Variants in ZBTB8A observed in about 807,000 individuals in gnomAD.
ZBTB8A encodes the protein zinc finger and BTB domain containing 8A.
Under a neutral mutation model 37.8 loss-of-function variants are expected in ZBTB8A, and 19 were observed. The ratio of observed to expected loss-of-function variants is 0.50; its 90% CI spans 0.35 to 0.74. The LOEUF (loss-of-function observed/expected upper bound fraction) is 0.74. Among genes scored for constraint, ZBTB8A ranks in the 30% least tolerant of loss-of-function variants. The pLI is 0.01. For missense variants in ZBTB8A, 394 were observed against 537.8 expected (o/e 0.73, Z 2.65); for synonymous variants, 181 against 185.2 (o/e 0.98, Z 0.19).
intron 2 of ZBTB8A, among the ~76,000 whole-genome samples, chr1:32,586,376 G>A (rs572303888): frequency 9.9e-5 from 15 of 152,238 alleles, no homozygotes; most frequent in Non-Finnish European, 2.1e-4. Flanking sequence ...TCATTCAACA[G>A]CATTAATTGA....
intron 2 of ZBTB8A, among the ~76,000 whole-genome samples, chr1:32,554,476 ATT>A (rs1644184329): frequency 1.5e-5 from 2 of 136,496 alleles, no homozygotes; most frequent in African/African-American, 5.4e-5. Flanking sequence ...TTATTTATTT[ATT>A]TATTTATTTA....
At chr1:32,579,372 A>C (rs1021311286) in intron 2 of ZBTB8A, among the ~76,000 whole-genome samples, 27 of 150,894 alleles carry the variant, frequency 1.8e-4, no homozygotes, top group African/African-American at 6.6e-4. Context: ...AATCACTTCA[A>C]CCCGGGAGGC....
intron 2 of ZBTB8A, among the ~76,000 whole-genome samples, chr1:32,591,174 G>A (rs1644485347): frequency 6.6e-6 from 1 of 150,974 alleles, no homozygotes; most frequent in Non-Finnish European, 1.5e-5. Context: ...CTCCCAAAGT[G>A]CTAGGATTAC....
rs749974255 is a variant in ZBTB8A, at chr1:32,593,113, G to A, written c.182G>A (p.Ser61Asn). 3.7e-6 allele frequency: 6 copies of A among 1,614,156 alleles called. No individual in the cohort carries two copies. The highest frequency in any genetic ancestry group is 5.1e-6 in the Non-Finnish European group (6 of 1,180,034). Reference protein sequence around the residue: ...MLLSQNSKETSQPTTATFQAF... With the variant: ...MLLSQNSKETNQPTTATFQAF... The stretch of plus-strand genomic sequence containing the variant: ...CTTTCTCAGAATTCAAAGGAGACGA[G>A]TCAGCCAACCACAGCTACATTTCAG... The change falls in exon 3 of 5, where the codon AGT becomes AAT. Residue 61 changes from serine (S) to asparagine (N), a missense_variant. Physicochemically the swap from Ser to Asn is conservative, Grantham distance 46. Around this residue, in one of 4 missense-constraint regions of ZBTB8A, gnomAD observed 96 missense variants for 165.6 expected, o/e 0.58. Transcript: ENST00000373510.
intron 1 of ZBTB8A, among the ~76,000 whole-genome samples, chr1:32,543,918 C>T (rs188854179): frequency 1.3e-5 from 2 of 152,260 alleles, no homozygotes; most frequent in African/African-American, 4.8e-5. Flanking sequence ...CCTCATGATC[C>T]GCCCGCCTCG....
chr1:32,589,444 G>A (rs1362329066), intron 2 of ZBTB8A, among the ~76,000 whole-genome samples: 1 of 151,928 alleles, frequency 6.6e-6, no homozygotes, highest in African/African-American at 2.4e-5. Flanking sequence ...AGAGATAGGG[G>A]TTCACCATGT....
chr1:32,548,533 C>T (rs1173465224), intron 1 of ZBTB8A, among the ~76,000 whole-genome samples: 2 of 152,152 alleles, frequency 1.3e-5, no homozygotes, highest in African/African-American at 4.8e-5. Flanking sequence ...GGGGTTTTGC[C>T]ATGTTGGCCA....
intron 2 of ZBTB8A, among the ~76,000 whole-genome samples, chr1:32,591,857 G>GTTTT (rs903301674): frequency 6.6e-6 from 1 of 151,884 alleles, no homozygotes; most frequent in Non-Finnish European, 1.5e-5. Flanking sequence ...TTGTTTGTTT[G>GTTTT]TTTTTTCAGA....
In ZBTB8A at chr1:32,568,060, C is replaced by T. The variant is rs112264219; in HGVS notation, c.-2+14520C>T. Among the ~76,000 whole-genome samples the T allele has an allele frequency of 1.3e-3, 202 of 151,356 alleles. 2 individuals are homozygous for T. The highest frequency in any genetic ancestry group is 4.7e-3 in the African/African-American group (195 of 41,332). ...GGGAGGCTGAGGCAGGAGACTTGAT[C>T]GAACCTGGGAGCTGGGAGGCAGAGG... On this transcript the variant is annotated intron_variant, in intron 2 of 4. Coordinates refer to ENST00000373510, the MANE Select transcript of ZBTB8A (RefSeq NM_001040441.3).
chr1:32,573,578 G>A (rs937002533), intron 2 of ZBTB8A, among the ~76,000 whole-genome samples: 1 of 150,310 alleles, frequency 6.7e-6, no homozygotes, highest in African/African-American at 2.4e-5. Flanking sequence ...GACTACAGGC[G>A]TAAGCCACCA....
At chr1:32,543,237 C>T (rs1475930193) in intron 1 of ZBTB8A, among the ~76,000 whole-genome samples, 2 of 152,082 alleles carry the variant, frequency 1.3e-5, no homozygotes, top group Non-Finnish European at 2.9e-5. Flanking sequence ...GCACCTGCCA[C>T]CATGCCCGGC....
chr1:32,585,214 A>G (rs142273576), intron 2 of ZBTB8A, among the ~76,000 whole-genome samples: 2,083 of 149,512 alleles, frequency 0.014, 115 homozygotes, highest in East Asian at 0.1. Flanking sequence ...CAGTCTCCCT[A>G]TGTTGCCCAG....
intron 3 of ZBTB8A, among the ~76,000 whole-genome samples, chr1:32,594,638 G>A (rs563600061): frequency 4.9e-4 from 74 of 152,092 alleles, no homozygotes; most frequent in African/African-American, 1.7e-3. Flanking sequence ...GCGCATGTCT[G>A]TAATCCCAGC....
At chr1:32,569,951 T>A (rs1005089709) in intron 2 of ZBTB8A, among the ~76,000 whole-genome samples, 1 of 152,152 alleles carries the variant, frequency 6.6e-6, no homozygotes, top group Non-Finnish European at 1.5e-5. Context: ...TCTTAAGAAA[T>A]CTTTGTCCAC....
At chr1:32,564,170 G>A (rs1310838689) in intron 2 of ZBTB8A, among the ~76,000 whole-genome samples, 2 of 152,046 alleles carry the variant, frequency 1.3e-5, no homozygotes, top group East Asian at 1.9e-4. Flanking sequence ...TTACCCTAGG[G>A]TCTCAAAGGA....
At chr1:32,567,840 C>CAAAAA (rs1553178107) in intron 2 of ZBTB8A, among the ~76,000 whole-genome samples, 6 of 57,414 alleles carry the variant, frequency 1.0e-4, no homozygotes, top group East Asian at 4.7e-4. Context: ...CAAAACAAAA[C>CAAAAA]AAAAAAAAGA....
intron 1 of ZBTB8A, among the ~76,000 whole-genome samples, chr1:32,546,815 T>C (rs1359938463): frequency 2.0e-5 from 3 of 152,226 alleles, no homozygotes; most frequent in Admixed American, 2.0e-4. Context: ...GGATGCCTTA[T>C]ATCACCTTCA....
chr1:32,584,072 A>G (rs1644427630), intron 2 of ZBTB8A, among the ~76,000 whole-genome samples: 1 of 152,084 alleles, frequency 6.6e-6, no homozygotes, highest in Non-Finnish European at 1.5e-5. Flanking sequence ...AGGAGAGAAT[A>G]CTTTGTAAAG....
Position 32,604,314 on chromosome 1 carries a change from A to T in ZBTB8A, c.*3895A>T, listed in dbSNP as rs981835565. The T allele has an allele frequency of 6.6e-6, 1 of 152,210 alleles. No individual in the cohort carries two copies. The highest frequency in any genetic ancestry group is 1.5e-5 in the Non-Finnish European group (1 of 68,042). 9.4% of individuals were successfully genotyped at this position (152,210 alleles called of 1,614,324 possible). A position where few individuals can be genotyped will look rare whatever the true frequency, so the allele number is the denominator to read the frequency against. On this transcript the variant is annotated 3_prime_UTR_variant, in exon 5 of 5. Transcript: ENST00000373510. ...ATGAATTGTTTCCTAAAGATGCTCA[A>T]ATTTAAGGGATAAACTCTAAAATCA...
Sources: gnomAD v4.1 joint callset for allele counts (sites outside exome capture counted in the v4.1 genomes callset) on GRCh38, gnomAD v4.1.1 for gene constraint, gnomAD v4.1.1 regional missense constraint, MANE v1.5 for transcripts, NCBI Gene and HGNC (gene_info 2026-07-23, HGNC 2026-07-21) for gene names.